Variants in LRCH1 observed in about 807,000 individuals in gnomAD.
LRCH1 encodes leucine-rich repeat and calponin homology domain-containing protein 1.
Under a neutral mutation model 94.9 loss-of-function variants are expected in LRCH1, and 23 were observed. The observed-to-expected ratio is 0.24, with a 90% CI of 0.17 to 0.34. The LOEUF (loss-of-function observed/expected upper bound fraction) is 0.34, where lower values mean the gene tolerates loss of function less well. Among genes scored for constraint, LRCH1 ranks in the 10% least tolerant of loss-of-function variants. The probability of loss-of-function intolerance (pLI) is 1.00; values close to 1 mark genes in which losing one functional copy is unlikely to be tolerated. For synonymous variants in LRCH1, 364 were observed against 354.9 expected, an observed-to-expected ratio of 1.03 and a Z score of -0.29; for missense variants, 790 against 945.9, an observed-to-expected ratio of 0.84 and a Z score of 2.16.
chr13:46,693,583 C>T (rs1372707938), intron 8 of LRCH1, among the ~76,000 whole-genome samples: 1 of 152,178 alleles, frequency 6.6e-6, no homozygotes, highest in Non-Finnish European at 1.5e-5. Context: ...GATTCCCTCA[C>T]CTGTACATGA....
At chr13:46,598,217 G>T (rs888392538) in intron 1 of LRCH1, among the ~76,000 whole-genome samples, 1 of 152,124 alleles carries the variant, frequency 6.6e-6, no homozygotes, top group Non-Finnish European at 1.5e-5. Flanking sequence ...GAGTAAATTG[G>T]CATACAGCGT....
chr13:46,667,636 C>T (rs765607180), intron 2 of LRCH1, among the ~76,000 whole-genome samples: 6 of 151,732 alleles, frequency 4.0e-5, no homozygotes, highest in Non-Finnish European at 7.4e-5. Flanking sequence ...TATAACAAAC[C>T]TGCACGTTGT....
intron 13 of LRCH1, among the ~76,000 whole-genome samples, chr13:46,706,800 A>G (rs568130171): frequency 6.0e-4 from 92 of 152,300 alleles, no homozygotes; most frequent in African/African-American, 2.1e-3. Flanking sequence ...TGCAAAAATG[A>G]TAATCTTGTA....
chr13:46,729,979 G>T (rs578084562), intron 18 of LRCH1, among the ~76,000 whole-genome samples: 132 of 152,276 alleles, frequency 8.7e-4, no homozygotes, highest in African/African-American at 3.0e-3. Flanking sequence ...TGCACTCAGG[G>T]CTCTCTTCCT....
At chr13:46,652,266 C>G (rs1053397447) in intron 2 of LRCH1, among the ~76,000 whole-genome samples, 7 of 151,800 alleles carry the variant, frequency 4.6e-5, no homozygotes, top group Admixed American at 4.6e-4. Flanking sequence ...TTAGTAGAGG[C>G]GGGGTTTCAC....
chr13:46,564,684 A>G (rs2050163655), intron 1 of LRCH1, among the ~76,000 whole-genome samples: 1 of 152,170 alleles, frequency 6.6e-6, no homozygotes, highest in Admixed American at 6.5e-5. Context: ...TCTCTATTTA[A>G]TTTTTATATT....
chr13:46,611,593 C>A (rs2138003706), intron 1 of LRCH1, among the ~76,000 whole-genome samples: 1 of 152,192 alleles, frequency 6.6e-6, no homozygotes, highest in Non-Finnish European at 1.5e-5. Context: ...CTTTTCATCT[C>A]TAAAGTTTAT....
In LRCH1 at chr13:46,657,511, T is replaced by C. The variant is rs1251916769; in HGVS notation, c.452+7166T>C. On this transcript the variant is annotated intron_variant, in intron 2 of 19. Coordinates refer to ENST00000389797, the MANE Select transcript of LRCH1 (RefSeq NM_001164211.2). ...TTTTCTTTTCTTTTCTTTTTTTTTT[T>C]TTTTTTTTTTTTTTTTTTTTTTTTT... is the stretch of plus-strand genomic sequence containing the variant. Among the ~76,000 whole-genome samples, 205 of 35,698 alleles carry C rather than the reference T, an allele frequency of 5.7e-3. 5 individuals are homozygous for C. Among genetic ancestry groups the C allele is most frequent in the African/African-American group, 0.023 (196 of 8,342 alleles). 23.4% of individuals were successfully genotyped at this position (35,698 alleles called of 152,430 possible). A position where few individuals can be genotyped will look rare whatever the true frequency, so the allele number is the denominator to read the frequency against.
intron 3 of LRCH1, among the ~76,000 whole-genome samples, chr13:46,679,605 T>C (rs1390619853): frequency 6.6e-6 from 1 of 152,216 alleles, no homozygotes; most frequent in Non-Finnish European, 1.5e-5. Flanking sequence ...TTTTAAACAC[T>C]GGAAGTGTTT....
intron 2 of LRCH1, among the ~76,000 whole-genome samples, chr13:46,650,743 G>T (rs1747222): frequency 4.2e-5 from 3 of 71,402 alleles, no homozygotes; most frequent in Admixed American, 1.6e-4. Context: ...AAAAAAAAAA[G>T]AGAAAGCCTG....
At chr13:46,734,037 A>G (rs1472394543) in intron 19 of LRCH1, 39 bp downstream of exon 19, 1 of 1,174,438 alleles carries the variant, frequency 8.5e-7, no homozygotes, top group Admixed American at 2.1e-5. Flanking sequence ...TGTTCTAGTA[A>G]AAATTTTATT....
intron 9 of LRCH1, among the ~76,000 whole-genome samples, chr13:46,698,550 A>T (rs1414376436): frequency 6.6e-6 from 1 of 152,184 alleles, no homozygotes; most frequent in African/African-American, 2.4e-5. Flanking sequence ...TGTTGTTAAG[A>T]ATGTTACACT....
At chr13:46,617,662 C>A (rs754688332) in intron 1 of LRCH1, among the ~76,000 whole-genome samples, 7 of 152,170 alleles carry the variant, frequency 4.6e-5, no homozygotes, top group Non-Finnish European at 8.8e-5. Context: ...TAACCCTTGT[C>A]TTTGAAAGAT....
intron 1 of LRCH1, among the ~76,000 whole-genome samples, chr13:46,649,215 T>C (rs939319363): frequency 1.3e-5 from 2 of 152,214 alleles, no homozygotes; most frequent in Non-Finnish European, 2.9e-5. Context: ...TAAGGTGTGG[T>C]TTCTTAAGTA....
chr13:46,679,895 C>A (rs2051728388), intron 3 of LRCH1: 1 of 152,200 alleles, frequency 6.6e-6, no homozygotes, highest in Admixed American at 6.6e-5. Context: ...TCACCTGAAG[C>A]CTTTTAGATG....
intron 19 of LRCH1, among the ~76,000 whole-genome samples, chr13:46,741,047 A>C (rs1873627235): frequency 6.6e-6 from 1 of 152,198 alleles, no homozygotes; most frequent in African/African-American, 2.4e-5. Flanking sequence ...TTGTTGCAAA[A>C]ATATGAAATG....
intron 1 of LRCH1, among the ~76,000 whole-genome samples, chr13:46,597,356 T>A (rs1594273432): frequency 6.6e-6 from 1 of 151,850 alleles, no homozygotes; most frequent in Non-Finnish European, 1.5e-5. Flanking sequence ...AACTGTCCAG[T>A]AGGACTTTTT....
At chr13:46,725,350 T>C (rs74082119) in intron 17 of LRCH1, among the ~76,000 whole-genome samples, 4,569 of 152,240 alleles carry the variant, frequency 0.03, 228 homozygotes, top group African/African-American at 0.1. Context: ...GAATCTAAAA[T>C]AAATTTTTTC....
intron 2 of LRCH1, among the ~76,000 whole-genome samples, chr13:46,658,294 A>T (rs982841209): frequency 6.6e-6 from 1 of 151,596 alleles, no homozygotes; most frequent in African/African-American, 2.4e-5. Context: ...TTGATTTTGG[A>T]TATTTTGCTC....
Sources: allele counts gnomAD v4.1 joint callset (sites outside exome capture counted in the v4.1 genomes callset), GRCh38; gene constraint gnomAD v4.1.1; transcripts MANE v1.5; gene names NCBI Gene and HGNC (gene_info 2026-07-23, HGNC 2026-07-21).